DYSF: variants seen among roughly 807,000 people sequenced by gnomAD.
DYSF encodes dysferlin, also known as dystrophy-associated fer-1-like 1.
DYSF carries 212 observed loss-of-function variants against 274.9 expected under a neutral mutation model. That is an observed-to-expected ratio of 0.77 (90% CI 0.69 to 0.86). The LOEUF is 0.86. DYSF is among the 40% of genes least tolerant of loss of function. The pLI is 0.00. For missense variants in DYSF, 2,666 were observed against 2,783.2 expected (o/e 0.96, Z 0.95); for synonymous variants, 1,091 against 1,078.7 (o/e 1.01, Z -0.22).
At chr2:71,547,865 A>G (rs2090607305) in intron 17 of DYSF, among the ~76,000 whole-genome samples, 1 of 152,164 alleles carries the variant, frequency 6.6e-6, no homozygotes, top group Non-Finnish European at 1.5e-5. Flanking sequence ...TGCCTCTGTA[A>G]GAAGCACATG....
At chr2:71,535,146 A>G in intron 15 of DYSF, 57 bp downstream of exon 15, 1 of 1,608,550 alleles carries the variant, frequency 6.2e-7, no homozygotes, top group Non-Finnish European at 8.5e-7. Flanking sequence ...GGGCTTCGGG[A>G]GGTCCAGGGC....
chr2:71,661,080 G>A (rs1267048946), intron 45 of DYSF, among the ~76,000 whole-genome samples: 3 of 134,734 alleles, frequency 2.2e-5, no homozygotes, highest in Non-Finnish European at 4.6e-5. Flanking sequence ...TCAAACTACT[G>A]CACTCCAGCC....
At chr2:71,533,422 A>T (rs1204018596) in intron 14 of DYSF, among the ~76,000 whole-genome samples, 1 of 152,202 alleles carries the variant, frequency 6.6e-6, no homozygotes, top group Non-Finnish European at 1.5e-5. Flanking sequence ...AGATGGTTTC[A>T]CGTCACTACC....
chr2:71,610,942 C>T lies in DYSF; in HGVS notation c.3958-303C>T, dbSNP rs117868488. The T allele has an allele frequency of 3.4e-4, 149 of 440,208 alleles. No homozygotes were observed. The East Asian group carries it at 5.3e-3, about 16-fold the overall frequency. The allele number at this position is 440,208 out of a possible 1,614,324, so 27.3% of individuals were successfully genotyped here. ...TGTGCGTATCAGGGAGGGGCAGACC[C>T]GGAGCAGCTCAGGGGGCATCAGAGC... On this transcript the variant is annotated intron_variant, in intron 36 of 55. Coordinates refer to ENST00000410020, the MANE Select transcript of DYSF (RefSeq NM_001130987.2).
intron 25 of DYSF, 24 bp from the exon 26 acceptor site, chr2:71,568,148 G>T: frequency 6.2e-7 from 1 of 1,614,174 alleles, no homozygotes; most frequent in Non-Finnish European, 8.5e-7. Flanking sequence ...CCCTGCTCAC[G>T]CCTCATTCTT....
intron 40 of DYSF, among the ~76,000 whole-genome samples, chr2:71,616,843 TTTCTGTCTCTGA>T (rs2093896118): frequency 6.6e-6 from 1 of 152,226 alleles, no homozygotes; most frequent in Non-Finnish European, 1.5e-5. Flanking sequence ...TAGGTTTCTC[TTTCTGTCTCTGA>T]TTCTGTCTCT....
chr2:71,605,493 C>T (rs528061829), intron 36 of DYSF, among the ~76,000 whole-genome samples: 1 of 152,242 alleles, frequency 6.6e-6, no homozygotes, highest in African/African-American at 2.4e-5. Flanking sequence ...TAGAAGAAGA[C>T]CCATGGGGCT....
intron 12 of DYSF, among the ~76,000 whole-genome samples, chr2:71,525,547 C>T (rs1044941006): frequency 1.3e-5 from 2 of 152,070 alleles, no homozygotes; most frequent in Non-Finnish European, 2.9e-5. Context: ...TCTAATGTGC[C>T]GCCAAGTTTG....
At chr2:71,577,607 C>A (rs1427453396) in intron 30 of DYSF, among the ~76,000 whole-genome samples, 2 of 151,978 alleles carry the variant, frequency 1.3e-5, no homozygotes, top group East Asian at 3.9e-4. Context: ...AACACATAGA[C>A]ACACACACAT....
intron 30 of DYSF, among the ~76,000 whole-genome samples, chr2:71,588,104 A>G (rs2093132928): frequency 6.6e-6 from 1 of 152,132 alleles, no homozygotes; most frequent in Non-Finnish European, 1.5e-5. Flanking sequence ...TAAGCTTGCT[A>G]TGGGAGTGAG....
At chr2:71,478,443 T>C (rs555557243) in intron 1 of DYSF, among the ~76,000 whole-genome samples, 50 of 152,006 alleles carry the variant, frequency 3.3e-4, no homozygotes, top group Admixed American at 8.5e-4. Flanking sequence ...AATCTCCTGG[T>C]CTCGTGATCC....
chr2:71,621,947 C>T (rs1000995566), intron 41 of DYSF, among the ~76,000 whole-genome samples: 1 of 152,138 alleles, frequency 6.6e-6, no homozygotes, highest in Non-Finnish European at 1.5e-5. Flanking sequence ...GCGTGAGCCA[C>T]CACACCCAGC....
intron 3 of DYSF, among the ~76,000 whole-genome samples, chr2:71,498,449 C>A (rs77984860): frequency 0.024 from 3,708 of 152,310 alleles, 56 homozygotes; most frequent in Middle Eastern, 0.065. Flanking sequence ...CCAGATGAGC[C>A]AGTTTACCAG....
chr2:71,671,129 G>A (rs758864304), intron 51 of DYSF, among the ~76,000 whole-genome samples: 6 of 152,180 alleles, frequency 3.9e-5, no homozygotes, highest in Non-Finnish European at 8.8e-5. Context: ...ATTAGAGAAA[G>A]CAAAATGTTC....
chr2:71,600,600 G>A, intron 33 of DYSF, 102 bp from the exon 34 acceptor site: 3 of 1,542,408 alleles, frequency 1.9e-6, no homozygotes, highest in Non-Finnish European at 2.7e-6. Context: ...TACTACTGAG[G>A]CCCTTTCTAG....
intron 3 of DYSF, among the ~76,000 whole-genome samples, chr2:71,500,989 G>C (rs2084917344): frequency 6.6e-6 from 1 of 152,066 alleles, no homozygotes; most frequent in African/African-American, 2.4e-5. Context: ...CTACTGTCTG[G>C]TCTTTTTGAC....
Position 71,660,671 on chromosome 2 carries a change from G to C in DYSF, c.5003+20G>C. The C allele has an allele frequency of 6.2e-7, 1 of 1,606,680 alleles. No individual in the cohort carries two copies. The highest frequency in any genetic ancestry group is 8.5e-7 in the Non-Finnish European group (1 of 1,173,466). On this transcript the variant is annotated intron_variant, in intron 45 of 55. Transcript: ENST00000410020. Reference sequence around the variant, plus strand: ...TGGAAAGTAAATTGGGGCATCTTGGGTCTTGGGGTGGAGGAGCCAGACAGG... The same window carrying C: ...TGGAAAGTAAATTGGGGCATCTTGGCTCTTGGGGTGGAGGAGCCAGACAGG...
chr2:71,655,662 A>T (rs982810951), intron 42 of DYSF, among the ~76,000 whole-genome samples: 1 of 152,254 alleles, frequency 6.6e-6, no homozygotes, highest in African/African-American at 2.4e-5. Context: ...GTCATTGGAT[A>T]TCCTGTATGT....
chr2:71,618,910 C>T (rs2094019689), intron 40 of DYSF, among the ~76,000 whole-genome samples: 1 of 151,426 alleles, frequency 6.6e-6, no homozygotes, highest in South Asian at 2.1e-4. Context: ...GACTCCCAGG[C>T]TCCCAGGCTC....
Sources: gnomAD v4.1 joint callset for allele counts (sites outside exome capture counted in the v4.1 genomes callset) on GRCh38, gnomAD v4.1.1 for gene constraint, MANE v1.5 for transcripts, NCBI Gene and HGNC (gene_info 2026-07-23, HGNC 2026-07-21) for gene names.